The following AKAP9 variants were observed in gnomAD, a reference collection of about 807,000 sequenced individuals.
AKAP9 encodes the protein A-kinase anchoring protein 9.
A neutral mutation model predicts 488.5 loss-of-function variants in AKAP9; 311 were observed. The ratio of observed to expected loss-of-function variants is 0.64; its 90% CI spans 0.58 to 0.70. The LOEUF is 0.70. AKAP9 is among the 30% of genes least tolerant of loss of function. AKAP9 has a pLI of 0.00. For missense variants in AKAP9, 4,215 were observed against 4,374.5 expected (o/e 0.96, Z 1.03); for synonymous variants, 1,462 against 1,483.5 (o/e 0.99, Z 0.33).
At chr7:92,060,094 T>G (rs142178711) in intron 22 of AKAP9, among the ~76,000 whole-genome samples, 1 of 152,110 alleles carries the variant, frequency 6.6e-6, no homozygotes, top group African/African-American at 2.4e-5. Context: ...CATCAAAAGC[T>G]GTAGTTACTC....
At chr7:92,078,114 A>AG (rs1274568479) in intron 30 of AKAP9, among the ~76,000 whole-genome samples, 1 of 151,992 alleles carries the variant, frequency 6.6e-6, no homozygotes, top group Non-Finnish European at 1.5e-5. Flanking sequence ...CTCCTGCCTC[A>AG]GCCTCCCGAG....
chr7:92,049,772 C>T (rs942823938), intron 21 of AKAP9, among the ~76,000 whole-genome samples: 2 of 151,822 alleles, frequency 1.3e-5, no homozygotes, highest in Non-Finnish European at 2.9e-5. Flanking sequence ...TAAGAAAATA[C>T]CTTAAGCTAG....
chr7:92,040,674 A>G lies in AKAP9; in HGVS notation c.4693A>G (p.Ile1565Val). Residue 1565 changes from isoleucine to valine, a missense_variant and splice_region_variant, in exon 18 of 50, where the codon ATT becomes GTT. Physicochemically the swap from Ile to Val is conservative, Grantham distance 29. Coordinates refer to ENST00000356239, the MANE Select transcript of AKAP9 (RefSeq NM_005751.5). Reference sequence around the variant, plus strand: ...TTTTTTTTTTTTTTTACTATTAAAGATTCATGATGAGATTTCAGTGTCAAG... The same window carrying G: ...TTTTTTTTTTTTTTTACTATTAAAGGTTCATGATGAGATTTCAGTGTCAAG... ...KDKTFIVRQS[I>V]HDEISVSSMD... 6.7e-7 allele frequency: 1 copy of G among 1,488,440 alleles called. No homozygotes were observed. Among genetic ancestry groups the G allele is most frequent in the Non-Finnish European group, 9.3e-7 (1 of 1,077,604 alleles). 92.2% of individuals were successfully genotyped at this position (1,488,440 alleles called of 1,614,324 possible). A position where few individuals can be genotyped will look rare whatever the true frequency, so the allele number is the denominator to read the frequency against.
intron 33 of AKAP9, 133 bp from the exon 34 acceptor site, chr7:92,084,506 AT>A: frequency 1.6e-6 from 1 of 641,360 alleles, no homozygotes; most frequent in South Asian, 2.0e-5. Flanking sequence ...AAAAAAAACC[AT>A]GAATAATTTC....
In AKAP9 at chr7:92,002,970, C is replaced by G. The variant is rs1416915671; in HGVS notation, c.3053C>G (p.Ser1018Cys). 6.2e-7 allele frequency: 1 copy of G among 1,613,292 alleles called. No homozygotes were observed. Among genetic ancestry groups the G allele is most frequent in the Non-Finnish European group, 8.5e-7 (1 of 1,179,574 alleles). ...CAGTCATGTGATACTCAAGTAAGCT[C>G]TTTATTAGATGGAGTTGTGACCATG... ...NVQSCDTQVS[S>C]LLDGVVTMTS... is the part of the protein sequence containing the mutation. Residue 1018 changes from serine (S) to cysteine (C), a missense_variant, in exon 8 of 50, where the codon TCT (serine) becomes TGT (cysteine). By Grantham distance (112) the Ser-to-Cys change is moderately radical. Around this residue, in one of 5 missense-constraint regions of AKAP9, gnomAD observed 2,361 missense variants for 2,430.0 expected, o/e 0.97. Coordinates refer to ENST00000356239, the MANE Select transcript of AKAP9 (RefSeq NM_005751.5).
intron 29 of AKAP9, 85 bp downstream of exon 29, chr7:92,077,092 C>CTTTTTTTTTTTTTTTTTTT (rs201649179): frequency 3.4e-6 from 1 of 296,970 alleles, no homozygotes. Flanking sequence ...ATTATTATTT[C>CTTTTTTTTTTTTTTTTTTT]TTTCTTTTTT....
chr7:92,006,364 T>C (rs934661007), intron 8 of AKAP9, among the ~76,000 whole-genome samples: 1 of 152,056 alleles, frequency 6.6e-6, no homozygotes, highest in Non-Finnish European at 1.5e-5. Flanking sequence ...TTGCCCAGGC[T>C]GGTCTCAAAC....
At chr7:91,944,058 C>T (rs1791120168) in intron 1 of AKAP9, among the ~76,000 whole-genome samples, 1 of 151,966 alleles carries the variant, frequency 6.6e-6, no homozygotes, top group East Asian at 1.9e-4. Context: ...GTCATGTATG[C>T]AGTATAATAT....
intron 39 of AKAP9, among the ~76,000 whole-genome samples, 155 bp downstream of exon 39, chr7:92,093,471 T>TA (rs1815999182): frequency 1.3e-5 from 2 of 152,314 alleles, no homozygotes; most frequent in South Asian, 4.1e-4. Flanking sequence ...AAACTCTAAA[T>TA]GTTTCCAAAT....
At position 92,108,441 on chromosome 7, in the gene AKAP9, T is replaced by C; in HGVS notation, c.11547-53T>C. On this transcript the variant is annotated intron_variant, in intron 48 of 49. Coordinates refer to ENST00000356239, the MANE Select transcript of AKAP9 (RefSeq NM_005751.5). ...AGGGAGTGGAGGCAGGTTGGTAACT[T>C]ATATGCATATTTCTGGATAACTTGA... 1.9e-6 allele frequency: 3 copies of C among 1,599,320 alleles called. No homozygotes were observed. The South Asian group carries it at 3.3e-5, about 18-fold the overall frequency.
chr7:91,956,521 T>C (rs1306573346), intron 1 of AKAP9, among the ~76,000 whole-genome samples: 2 of 152,196 alleles, frequency 1.3e-5, no homozygotes, highest in Non-Finnish European at 2.9e-5. Context: ...CTGCTTTGTA[T>C]TTTTTCTAAC....
At chr7:92,027,109 A>T (rs1803338486) in intron 14 of AKAP9, among the ~76,000 whole-genome samples, 3 of 128,316 alleles carry the variant, frequency 2.3e-5, no homozygotes, top group Non-Finnish European at 4.8e-5. Flanking sequence ...CCCATCTAGG[A>T]AGTGAGGAGC....
intron 21 of AKAP9, among the ~76,000 whole-genome samples, chr7:92,050,923 C>T (rs1181691487): frequency 6.6e-6 from 1 of 151,404 alleles, no homozygotes; most frequent in Non-Finnish European, 1.5e-5. Context: ...AGTCATCTTA[C>T]GCATATCTTC....
At chr7:92,008,886 T>C (rs1413514802) in intron 8 of AKAP9, among the ~76,000 whole-genome samples, 1 of 150,246 alleles carries the variant, frequency 6.7e-6, no homozygotes, top group Non-Finnish European at 1.5e-5. Context: ...CTCTGGAGGC[T>C]GAGGCAGGAG....
At chr7:92,085,253 A>G (rs915033265) in intron 35 of AKAP9, among the ~76,000 whole-genome samples, 2 of 152,232 alleles carry the variant, frequency 1.3e-5, no homozygotes, top group African/African-American at 4.8e-5. Context: ...GTAGCTTATC[A>G]GTAAACCTAG....
At chr7:91,993,180 T>G (rs932045664) in intron 5 of AKAP9, 125 bp downstream of exon 5, 1 of 964,552 alleles carries the variant, frequency 1.0e-6, no homozygotes, top group Non-Finnish European at 1.5e-6. Flanking sequence ...TTTTCTTTTC[T>G]TCTTCTTCTT....
intron 1 of AKAP9, among the ~76,000 whole-genome samples, chr7:91,957,644 C>T (rs1793189241): frequency 6.6e-6 from 1 of 152,032 alleles, no homozygotes; most frequent in African/African-American, 2.4e-5. Context: ...GTACAGTTAG[C>T]TTTATATATA....
chr7:91,956,215 A>G (rs1200390875), intron 1 of AKAP9, among the ~76,000 whole-genome samples: 1 of 151,720 alleles, frequency 6.6e-6, no homozygotes, highest in Non-Finnish European at 1.5e-5. Context: ...CCTGGCTAGC[A>G]CGGTGAAACC....
At chr7:92,090,018 G>C (rs549567616) in intron 38 of AKAP9, 1 of 156,006 alleles carries the variant, frequency 6.4e-6, no homozygotes, top group East Asian at 1.9e-4. Context: ...TATCCCAACA[G>C]CCCCTTCTCC....
Sources: gnomAD v4.1 joint callset for allele counts (sites outside exome capture counted in the v4.1 genomes callset) on GRCh38, gnomAD v4.1.1 for gene constraint, gnomAD v4.1.1 regional missense constraint, MANE v1.5 for transcripts, NCBI Gene and HGNC (gene_info 2026-07-23, HGNC 2026-07-21) for gene names.